The following ALK variants were observed in gnomAD, a reference collection of about 807,000 sequenced individuals.
The protein encoded by ALK is ALK tyrosine kinase receptor.
A neutral mutation model predicts 163.1 loss-of-function variants in ALK; 74 were observed. That is an observed-to-expected ratio of 0.45 (90% CI 0.38 to 0.55). The LOEUF is 0.55. ALK is among the 20% of genes least tolerant of loss of function. The pLI is 0.00. For missense variants in ALK, 2,063 were observed against 2,105.3 expected, an observed-to-expected ratio of 0.98 and a Z score of 0.39; for synonymous variants, 960 against 843.2, an observed-to-expected ratio of 1.14 and a Z score of -2.40.
In ALK at chr2:29,193,632, A is replaced by T. The variant is rs765346559; in HGVS notation, c.4455T>A (p.Pro1485=). 1 of 1,614,190 alleles carries T rather than the reference A, an allele frequency of 6.2e-7. No homozygotes were observed. The highest frequency in any genetic ancestry group is 8.5e-7 in the Non-Finnish European group (1 of 1,180,028). ...CGTGGACCTTGTGCAACTCCGAAGGAGGGTTGGACTGAGAGAATGCCATAT... is the reference window on the plus strand; with the variant it reads ...CGTGGACCTTGTGCAACTCCGAAGGTGGGTTGGACTGAGAGAATGCCATAT... The part of the protein sequence containing the change: ...HVNMAFSQSN[P]PSELHKVHGS... The change falls in exon 29 of 29, where the codon CCT becomes CCA. Residue 1485 remains proline, a synonymous_variant. Coordinates refer to ENST00000389048, the MANE Select transcript of ALK (RefSeq NM_004304.5).
Position 29,262,496 on chromosome 2 carries a change from A to AG in ALK, c.2042-11230dup, listed in dbSNP as rs1665113528. On this transcript the variant is annotated intron_variant, in intron 11 of 28. Coordinates refer to ENST00000389048, the MANE Select transcript of ALK (RefSeq NM_004304.5). ...GGTTCTTTGTGTATGATGAGAAGTT[A>AG]GGGGTGGTAACAACAACAATGATCA... Among the ~76,000 whole-genome samples the AG allele has an allele frequency of 2.0e-5, 3 of 152,356 alleles. No individual in the cohort carries two copies. The East Asian group carries it at 5.8e-4, about 29-fold the overall frequency.
At chr2:29,716,221 T>C (rs1679250409) in intron 2 of ALK, among the ~76,000 whole-genome samples, 1 of 152,218 alleles carries the variant, frequency 6.6e-6, no homozygotes, top group East Asian at 1.9e-4. Context: ...TCAGGCCTGA[T>C]GAATGAGTTT....
chr2:29,773,067 A>G (rs1388234301), intron 1 of ALK, among the ~76,000 whole-genome samples: 1 of 152,228 alleles, frequency 6.6e-6, no homozygotes, highest in Non-Finnish European at 1.5e-5. Flanking sequence ...TGTTGGAACT[A>G]TACTCATTTG....
At position 29,920,327 on chromosome 2, in the gene ALK, G is replaced by GCGCC; in HGVS notation, c.332_333insGGCG (p.Gly113ArgfsTer114). 1 of 1,553,326 alleles carries GCGCC rather than the reference G, an allele frequency of 6.4e-7. No individual in the cohort carries two copies. Among genetic ancestry groups the GCGCC allele is most frequent in the Non-Finnish European group, 8.7e-7 (1 of 1,149,944 alleles). On this transcript the variant is annotated frameshift_variant, in exon 1 of 29. Coordinates refer to ENST00000389048, the MANE Select transcript of ALK (RefSeq NM_004304.5). LOFTEE classifies it high-confidence loss of function. ...CCTCTGCCGGGGCTGGTGAACCGGC[G>GCGCC]GTCCAGGAGACCCCCGGCGCCGGCC...
At chr2:29,507,977 G>A (rs969338753) in intron 4 of ALK, among the ~76,000 whole-genome samples, 2 of 152,086 alleles carry the variant, frequency 1.3e-5, no homozygotes, top group Non-Finnish European at 2.9e-5. Context: ...ATGTTTTATT[G>A]GACATTTCAA....
At chr2:29,536,190 A>C (rs896569932) in intron 3 of ALK, among the ~76,000 whole-genome samples, 2 of 152,176 alleles carry the variant, frequency 1.3e-5, no homozygotes, top group Non-Finnish European at 2.9e-5. Flanking sequence ...TTGTTCCTCC[A>C]AATCTCATGT....
intron 4 of ALK, among the ~76,000 whole-genome samples, chr2:29,504,904 C>T (rs1244456245): frequency 7.9e-5 from 12 of 152,106 alleles, no homozygotes; most frequent in African/African-American, 2.9e-4. Flanking sequence ...GCCACTTTGA[C>T]GGCTGGGTAG....
At chr2:29,641,864 A>G (rs970453233) in intron 3 of ALK, among the ~76,000 whole-genome samples, 2 of 152,190 alleles carry the variant, frequency 1.3e-5, no homozygotes, top group South Asian at 2.1e-4. Context: ...ATGGAATTCA[A>G]TTAGTCTCTG....
At chr2:29,229,184 G>A (rs1476567014) in intron 15 of ALK, 118 bp from the exon 16 acceptor site, 17 of 877,488 alleles carry the variant, frequency 1.9e-5, no homozygotes, top group South Asian at 8.5e-5. Flanking sequence ...TCCAGCTCCC[G>A]GGGCCCATCT....
In ALK at chr2:29,747,496, T is replaced by C. The variant is rs965389544; in HGVS notation, c.668-29799A>G. On this transcript the variant is annotated intron_variant, in intron 1 of 28. Transcript: ENST00000389048. Reference sequence around the variant, plus strand: ...GTTTTGGAGTGACAGGAGGAGAGCATCTCTTGGACCTCAGAGAGGGGCTGA... The same window carrying C: ...GTTTTGGAGTGACAGGAGGAGAGCACCTCTTGGACCTCAGAGAGGGGCTGA... Among the ~76,000 whole-genome samples, 9 of 152,338 alleles carry C rather than the reference T, an allele frequency of 5.9e-5. No homozygotes were observed. In the South Asian group the frequency reaches 1.4e-3, roughly 25 times the overall value.
rs145614801 is a variant in ALK, at chr2:29,816,512, A to G, written c.668-98815T>C. On this transcript the variant is annotated intron_variant, in intron 1 of 28. Transcript: ENST00000389048. ...GCAGGCAGGGGATGAAGGATTCATC[A>G]AGAAAGGCGATTCTAAAAGTGTTTA... Among the ~76,000 whole-genome samples the G allele has an allele frequency of 3.7e-3, 563 of 152,354 alleles. 2 individuals carry two copies. Among genetic ancestry groups the G allele is most frequent in the African/African-American group, 0.013 (535 of 41,582 alleles).
At chr2:29,729,468 T>C (rs1369581244) in intron 1 of ALK, among the ~76,000 whole-genome samples, 1 of 152,052 alleles carries the variant, frequency 6.6e-6, no homozygotes, top group Non-Finnish European at 1.5e-5. Flanking sequence ...TTTTTCACTA[T>C]CTGGAAGTTA....
At chr2:29,509,092 C>T (rs1672436661) in intron 4 of ALK, among the ~76,000 whole-genome samples, 2 of 152,078 alleles carry the variant, frequency 1.3e-5, no homozygotes, top group Non-Finnish European at 2.9e-5. Context: ...AGACCAGGTG[C>T]CCATGGTCAT....
intron 1 of ALK, among the ~76,000 whole-genome samples, chr2:29,733,782 G>C (rs1679813515): frequency 6.6e-6 from 1 of 152,164 alleles, no homozygotes; most frequent in Non-Finnish European, 1.5e-5. Context: ...GACAGGAGGG[G>C]AAGATCTGCA....
intron 16 of ALK, 70 bp downstream of exon 16, chr2:29,228,814 A>C: frequency 2.0e-6 from 2 of 987,164 alleles, no homozygotes; most frequent in South Asian, 2.6e-5. Context: ...AGGGGAGGGC[A>C]GGGCAGGGAG....
At position 29,383,837 on chromosome 2, in the gene ALK, T is replaced by C. The variant is rs775901956; in HGVS notation, c.1177A>G (p.Ile393Val). 6.2e-7 allele frequency: 1 copy of C among 1,614,124 alleles called. No individual in the cohort carries two copies. The highest frequency in any genetic ancestry group is 2.2e-5 in the East Asian group (1 of 44,882). Residue 393 changes from isoleucine to valine, a missense_variant, in exon 5 of 29, where the codon ATC becomes GTC. By Grantham distance (29) the Ile-to-Val change is conservative. This residue lies in a region of ALK where 987 missense variants were observed against 939.5 expected (regional missense o/e 1.05). Transcript: ENST00000389048. ...KHGWTVLQGR[I>V]GRPDNPFRVA... is the part of the protein sequence containing the mutation. ...CGAAATGGGTTGTCTGGACGCCCGA[T>C]TCTTCCCTGGAGCACTGTCCAACTG...
At chr2:29,378,581 A>G (rs2148297827) in intron 5 of ALK, among the ~76,000 whole-genome samples, 1 of 152,290 alleles carries the variant, frequency 6.6e-6, no homozygotes, top group South Asian at 2.1e-4. Flanking sequence ...GCATTGTTGT[A>G]AGGATTGAAT....
At chr2:29,617,752 G>A (rs1391491747) in intron 3 of ALK, among the ~76,000 whole-genome samples, 1 of 152,112 alleles carries the variant, frequency 6.6e-6, no homozygotes, top group Non-Finnish European at 1.5e-5. Flanking sequence ...CTACTGCAGT[G>A]GCCCCATTGT....
intron 3 of ALK, among the ~76,000 whole-genome samples, chr2:29,690,782 T>A (rs906533295): frequency 1.3e-5 from 2 of 152,250 alleles, no homozygotes; most frequent in African/African-American, 4.8e-5. Flanking sequence ...TTGATTGGTA[T>A]CATCTTGCTG....
Sources: allele counts gnomAD v4.1 joint callset (sites outside exome capture counted in the v4.1 genomes callset), GRCh38; gene constraint gnomAD v4.1.1; regional missense constraint gnomAD v4.1.1; transcripts MANE v1.5; gene names NCBI Gene and HGNC (gene_info 2026-07-23, HGNC 2026-07-21).